MAP3K3: variants seen among roughly 807,000 people sequenced by gnomAD.
MAP3K3 encodes mitogen-activated protein kinase kinase kinase 3.
In MAP3K3, 12 loss-of-function variants were observed where a neutral mutation model predicts 80.9. The observed-to-expected ratio is 0.15, with a 90% confidence interval of 0.10 to 0.24. The LOEUF is 0.24. MAP3K3 is among the 10% of genes least tolerant of loss of function. The pLI is 1.00. For missense variants in MAP3K3, 596 were observed against 834.7 expected, an observed-to-expected ratio of 0.71 and a Z score of 3.52; for synonymous variants, 272 against 307.1, an observed-to-expected ratio of 0.89 and a Z score of 1.19.
intron 2 of MAP3K3, among the ~76,000 whole-genome samples, chr17:63,639,566 C>T (rs2034400582): frequency 6.6e-6 from 1 of 152,096 alleles, no homozygotes; most frequent in African/African-American, 2.4e-5. Context: ...ATGGTTGGAA[C>T]TGTAGAGGAA....
At chr17:63,680,735 A>C (rs1183693674) in intron 6 of MAP3K3, among the ~76,000 whole-genome samples, 2 of 152,122 alleles carry the variant, frequency 1.3e-5, no homozygotes, top group African/African-American at 4.8e-5. Context: ...ATGTGGTGAA[A>C]GTACCTGTTA....
intron 2 of MAP3K3, among the ~76,000 whole-genome samples, chr17:63,641,706 C>T (rs143589148): frequency 5.8e-4 from 89 of 152,200 alleles, no homozygotes; most frequent in African/African-American, 1.9e-3. Flanking sequence ...AGCAGATGAG[C>T]CTTGCTTCAG....
chr17:63,669,784 C>T (rs189053680), intron 6 of MAP3K3, among the ~76,000 whole-genome samples: 1 of 151,594 alleles, frequency 6.6e-6, no homozygotes, highest in Non-Finnish European at 1.5e-5. Context: ...TTCCATCATA[C>T]TACGTTTTTG....
intron 3 of MAP3K3, among the ~76,000 whole-genome samples, chr17:63,648,516 A>T (rs2034584228): frequency 6.6e-6 from 1 of 152,154 alleles, no homozygotes; most frequent in African/African-American, 2.4e-5. Flanking sequence ...GTTGATTTGG[A>T]AGAAAAAAAT....
chr17:63,637,073 G>A (rs567947583), intron 2 of MAP3K3: 13 of 465,860 alleles, frequency 2.8e-5, no homozygotes, highest in African/African-American at 6.3e-5. Flanking sequence ...GTTTGAGAGC[G>A]TGTGTAGAGT....
At chr17:63,682,312 C>T (rs1397343258) in intron 7 of MAP3K3, 1 of 154,218 alleles carries the variant, frequency 6.5e-6, no homozygotes, top group Admixed American at 6.5e-5. Context: ...AAGGAGTAAA[C>T]CATATCAAAA....
At chr17:63,678,877 A>G (rs1034947050) in intron 6 of MAP3K3, among the ~76,000 whole-genome samples, 3 of 152,088 alleles carry the variant, frequency 2.0e-5, no homozygotes, top group African/African-American at 7.2e-5. Context: ...TAAAAATATA[A>G]GAATTAGCTG....
intron 1 of MAP3K3, among the ~76,000 whole-genome samples, chr17:63,629,579 AAAAAC>A (rs199649595): frequency 7.2e-6 from 1 of 138,438 alleles, no homozygotes; most frequent in Non-Finnish European, 1.6e-5. Flanking sequence ...GAAAAAAAAC[AAAAAC>A]AAAACCTCAA....
intron 1 of MAP3K3, among the ~76,000 whole-genome samples, chr17:63,630,625 C>T (rs2034196896): frequency 6.6e-6 from 1 of 152,170 alleles, no homozygotes; most frequent in Non-Finnish European, 1.5e-5. Context: ...CCCTGTCCAG[C>T]CAGGTTCCCT....
At chr17:63,657,584 A>G (rs1160630222) in intron 4 of MAP3K3, among the ~76,000 whole-genome samples, 6 of 152,210 alleles carry the variant, frequency 3.9e-5, no homozygotes, top group Non-Finnish European at 8.8e-5. Context: ...TTGCACAACT[A>G]TGTAAAGGTA....
chr17:63,682,596 GT>G (rs60152402), intron 7 of MAP3K3: 49,803 of 152,022 alleles, frequency 0.33, 9,506 homozygotes, highest in African/African-American at 0.53. Flanking sequence ...CCAGAATTCA[GT>G]TTTTTTGTGG....
At chr17:63,665,346 T>C (rs1418856406) in intron 5 of MAP3K3, among the ~76,000 whole-genome samples, 2 of 151,964 alleles carry the variant, frequency 1.3e-5, no homozygotes, top group Non-Finnish European at 2.9e-5. Flanking sequence ...TTTGTATTTT[T>C]ATTAGAGACG....
chr17:63,641,462 C>T (rs557588200), intron 2 of MAP3K3, among the ~76,000 whole-genome samples: 13 of 152,176 alleles, frequency 8.5e-5, no homozygotes, highest in African/African-American at 2.6e-4. Context: ...AGGCTGGTCT[C>T]GAACTCCTGA....
intron 7 of MAP3K3, 118 bp from the exon 8 acceptor site, chr17:63,685,399 A>G: frequency 1.3e-6 from 1 of 796,222 alleles, no homozygotes; most frequent in Non-Finnish European, 2.2e-6. Context: ...ATGGGGAGAA[A>G]AAGGACACTT....
chr17:63,647,232 C>T (rs925339595), intron 3 of MAP3K3, among the ~76,000 whole-genome samples: 1 of 152,198 alleles, frequency 6.6e-6, no homozygotes, highest in African/African-American at 2.4e-5. Context: ...GGTCCTTCTG[C>T]TCCTATGTGA....
chr17:63,631,971 GA>G (rs1427184750), intron 1 of MAP3K3, among the ~76,000 whole-genome samples: 1 of 152,160 alleles, frequency 6.6e-6, no homozygotes, highest in East Asian at 1.9e-4. Flanking sequence ...GATGCTTTAA[GA>G]ATAAGTCTGG....
chr17:63,649,685 G>T lies in MAP3K3; in HGVS notation c.168-2872G>T, dbSNP rs141198940. On this transcript the variant is annotated intron_variant, in intron 3 of 15. Transcript: ENST00000361733. ...GGCCTTCCAGAGTTCTGGGATTATAGGTGTGAGCCACTGTACCTGTTCAGG... is the reference window on the plus strand; with the variant it reads ...GGCCTTCCAGAGTTCTGGGATTATATGTGTGAGCCACTGTACCTGTTCAGG... Among the ~76,000 whole-genome samples, 188 of 152,300 alleles carry T rather than the reference G, an allele frequency of 1.2e-3. 1 individual carries two copies. The highest frequency in any genetic ancestry group is 6.8e-3 in the Middle Eastern group (2 of 294).
At chr17:63,662,975 C>T (rs2034926503) in intron 5 of MAP3K3, among the ~76,000 whole-genome samples, 1 of 151,580 alleles carries the variant, frequency 6.6e-6, no homozygotes, top group Non-Finnish European at 1.5e-5. Context: ...ACGCCCGGCC[C>T]CAGAAGAGGG....
At chr17:63,629,465 G>A (rs774617344) in intron 1 of MAP3K3, among the ~76,000 whole-genome samples, 46 of 152,092 alleles carry the variant, frequency 3.0e-4, no homozygotes, top group Admixed American at 2.4e-3. Context: ...TTTAAAGAAT[G>A]CCACATTGGA....
Sources: gnomAD v4.1 joint callset for allele counts (sites outside exome capture counted in the v4.1 genomes callset) on GRCh38, gnomAD v4.1.1 for gene constraint, MANE v1.5 for transcripts, NCBI Gene and HGNC (gene_info 2026-07-23, HGNC 2026-07-21) for gene names.